The following TFB1M variants were observed in gnomAD, a reference collection of about 807,000 sequenced individuals.
TFB1M encodes the protein dimethyladenosine transferase 1, mitochondrial.
A neutral mutation model predicts 31.1 loss-of-function variants in TFB1M; 27 were observed. That is an observed-to-expected ratio of 0.87 (90% CI 0.64 to 1.20). The LOEUF (loss-of-function observed/expected upper bound fraction) is 1.20, where lower values mean the gene tolerates loss of function less well. Among genes scored for constraint, TFB1M ranks in the 50% most tolerant of loss-of-function variants. The pLI, the probability that TFB1M is intolerant of heterozygous loss-of-function variation, is 0.00. For missense variants in TFB1M, 394 were observed against 418.7 expected, an observed-to-expected ratio of 0.94 and a Z score of 0.51; for synonymous variants, 166 against 151.8, an observed-to-expected ratio of 1.09 and a Z score of -0.69.
Position 155,303,869 on chromosome 6 carries a change from A to G in TFB1M, c.286-5284T>C, listed in dbSNP as rs73581224. The stretch of plus-strand genomic sequence containing the variant: ...CTATTATTCCCATGCTGCAGATGAG[A>G]AAGTTGAAGCTAAAAAAGGTTTAAC... On this transcript the variant is annotated intron_variant, in intron 2 of 6. Coordinates refer to ENST00000367166, the MANE Select transcript of TFB1M (RefSeq NM_016020.4). Among the ~76,000 whole-genome samples the G allele has an allele frequency of 8.6e-3, 1,304 of 152,302 alleles. 28 individuals carry two copies. Among genetic ancestry groups the G allele is most frequent in the African/African-American group, 0.03 (1,253 of 41,566 alleles).
At chr6:155,236,276 G>A in the TFB1M span, among the ~76,000 whole-genome samples, 1 of 151,858 alleles carries the variant, frequency 6.6e-6, no homozygotes, top group African/African-American at 2.4e-5. Context: ...ACCACTCCCA[G>A]AAATCCAAGC....
chr6:155,289,815 T>C (rs1776824298), intron 4 of TFB1M, among the ~76,000 whole-genome samples: 1 of 152,150 alleles, frequency 6.6e-6, no homozygotes, highest in African/African-American at 2.4e-5. Flanking sequence ...TGAAAGGTGA[T>C]TGGATCAAGG....
At chr6:155,244,644 T>C in the TFB1M span, 1 of 1,613,036 alleles carries the variant, frequency 6.2e-7, no homozygotes, top group South Asian at 1.1e-5. Flanking sequence ...TTTCAAATCC[T>C]GATCTTCACA....
chr6:155,260,885 TG>T (rs1784366317), intron 5 of TFB1M: 3 of 242,842 alleles, frequency 1.2e-5, no homozygotes, highest in South Asian at 5.4e-5. Flanking sequence ...ATTAATCAGC[TG>T]GACTGAATTC....
the TFB1M span, among the ~76,000 whole-genome samples, chr6:155,247,322 T>C: frequency 8.3e-4 from 127 of 152,234 alleles, no homozygotes; most frequent in Non-Finnish European, 1.6e-3. Context: ...CATTGCTTAA[T>C]GGCTTTTTTG....
chr6:155,309,675 A>C (rs1777936136), intron 2 of TFB1M, among the ~76,000 whole-genome samples: 1 of 152,212 alleles, frequency 6.6e-6, no homozygotes, highest in African/African-American at 2.4e-5. Flanking sequence ...TTTTAAGAGC[A>C]AAAAAGTCAG....
At chr6:155,282,289 A>G (rs1280134018) in intron 5 of TFB1M, among the ~76,000 whole-genome samples, 1 of 152,216 alleles carries the variant, frequency 6.6e-6, no homozygotes, top group Admixed American at 6.5e-5. Flanking sequence ...GTTCAGCAGT[A>G]ATTCAGTTCA....
At chr6:155,305,668 T>A (rs868072355) in intron 2 of TFB1M, among the ~76,000 whole-genome samples, 2 of 53,584 alleles carry the variant, frequency 3.7e-5, no homozygotes, top group South Asian at 5.4e-4. Flanking sequence ...TTTATATATA[T>A]AAATATATAT....
At chr6:155,254,155 G>A, downstream of TFB1M, 1 of 1,342,896 alleles carries the variant, frequency 7.4e-7, no homozygotes, top group Non-Finnish European at 1.0e-6. Context: ...GAATTTTGAT[G>A]ATATCAGGGT....
intron 2 of TFB1M, among the ~76,000 whole-genome samples, chr6:155,310,103 T>A (rs1355956596): frequency 6.6e-6 from 1 of 152,226 alleles, no homozygotes; most frequent in Non-Finnish European, 1.5e-5. Context: ...CTCAAACCGT[T>A]CTGACAGAAA....
In TFB1M at chr6:155,257,013, C is replaced by G; in HGVS notation, c.*823G>C. On this transcript the variant is annotated 3_prime_UTR_variant, in exon 7 of 7. Transcript: ENST00000367166. ...CCCTTGACAGTCAGTCTGAAAATGC[C>G]ACCATCGACCTAAATTCTGTTCTAG... 1 of 1,614,138 alleles carries G rather than the reference C, an allele frequency of 6.2e-7. No individual in the cohort carries two copies. The highest frequency in any genetic ancestry group is 1.1e-5 in the South Asian group (1 of 91,090).
chr6:155,311,628 T>C (rs56237), intron 1 of TFB1M, among the ~76,000 whole-genome samples: 19,429 of 152,202 alleles, frequency 0.13, 1,774 homozygotes, highest in African/African-American at 0.25. Flanking sequence ...ATCTGTCCCA[T>C]GCAAATTCCT....
chr6:155,294,038 T>C (rs541782841), intron 4 of TFB1M, among the ~76,000 whole-genome samples: 1 of 152,164 alleles, frequency 6.6e-6, no homozygotes, highest in Non-Finnish European at 1.5e-5. Context: ...ATGTTTCTAA[T>C]CAGACCAATG....
chr6:155,250,097 A>C, the TFB1M span: 49 of 632,788 alleles, frequency 7.7e-5, no homozygotes, highest in South Asian at 9.4e-4. Flanking sequence ...TCTTGATAAC[A>C]ATGTGTCTAA....
chr6:155,248,949 G>A, the TFB1M span, among the ~76,000 whole-genome samples: 1 of 152,044 alleles, frequency 6.6e-6, no homozygotes, highest in African/African-American at 2.4e-5. Context: ...TTTTTTCCAT[G>A]ACAAGCATAC....
At chr6:155,261,043 CT>C (rs200406002) in intron 5 of TFB1M, 1,869 of 155,498 alleles carry the variant, frequency 0.012, 32 homozygotes, top group Non-Finnish European at 0.015. Flanking sequence ...TGTGGAGATT[CT>C]TTAATTGTCA....
chr6:155,231,901 T>A, the TFB1M span, among the ~76,000 whole-genome samples: 18 of 152,286 alleles, frequency 1.2e-4, no homozygotes, highest in African/African-American at 4.3e-4. Context: ...ATGATGAAAC[T>A]GAAACCCTGT....
At chr6:155,268,412 G>A (rs1359393261) in intron 5 of TFB1M, among the ~76,000 whole-genome samples, 5 of 152,192 alleles carry the variant, frequency 3.3e-5, no homozygotes, top group Non-Finnish European at 7.3e-5. Context: ...TCATAAGCCT[G>A]TTACTGTGAT....
intron 2 of TFB1M, among the ~76,000 whole-genome samples, chr6:155,300,622 A>C (rs533557399): frequency 1.3e-5 from 2 of 152,338 alleles, no homozygotes; most frequent in South Asian, 4.1e-4. Context: ...CAATATATAG[A>C]AAGTATTTAA....
Sources: gnomAD v4.1 joint callset for allele counts (sites outside exome capture counted in the v4.1 genomes callset) on GRCh38, gnomAD v4.1.1 for gene constraint, MANE v1.5 for transcripts, NCBI Gene and HGNC (gene_info 2026-07-23, HGNC 2026-07-21) for gene names.